The following TRIQK variants were observed in gnomAD, a reference collection of about 807,000 sequenced individuals.
The protein encoded by TRIQK is triple QxxK/R motif containing, also known as triple QxxK/R motif-containing protein.
Under a neutral mutation model 10.8 loss-of-function variants are expected in TRIQK, and 10 were observed. The ratio of observed to expected loss-of-function variants is 0.92; its 90% confidence interval spans 0.57 to 1.57. The LOEUF is 1.57. Among genes scored for constraint, TRIQK ranks in the 40% most tolerant of loss-of-function variants. The pLI is 0.00. For synonymous variants in TRIQK, 33 were observed against 33.7 expected (o/e 0.98, Z 0.07); for missense variants, 107 against 97.7 (o/e 1.09, Z -0.40).
At chr8:92,903,664 C>A (rs906308500) in intron 3 of TRIQK, among the ~76,000 whole-genome samples, 5 of 151,874 alleles carry the variant, frequency 3.3e-5, no homozygotes, top group African/African-American at 4.8e-5. Flanking sequence ...TGAAGAGTAT[C>A]CTGAAATTGC....
intron 3 of TRIQK, 55 bp downstream of exon 3, chr8:92,916,874 A>T (rs951507675): frequency 1.2e-5 from 15 of 1,244,624 alleles, no homozygotes; most frequent in Non-Finnish European, 1.5e-5. Flanking sequence ...TAATATGCAT[A>T]ATTGTGTTTT....
upstream of TRIQK, among the ~76,000 whole-genome samples, chr8:92,968,616 T>C (rs145957804): frequency 2.7e-3 from 405 of 152,328 alleles, 1 homozygote; most frequent in African/African-American, 9.1e-3. Flanking sequence ...AAAGTGTCTG[T>C]TCATATCCTT....
chr8:93,016,181 T>C (rs1332954914), intron 1 of TRIQK, among the ~76,000 whole-genome samples: 1 of 152,218 alleles, frequency 6.6e-6, no homozygotes, highest in East Asian at 1.9e-4. Flanking sequence ...AGTCTGATCA[T>C]AAATAATTTA....
intron 1 of TRIQK, among the ~76,000 whole-genome samples, chr8:93,014,801 T>G (rs368180349): frequency 5.9e-5 from 9 of 152,154 alleles, no homozygotes; most frequent in Admixed American, 5.2e-4. Flanking sequence ...GGTAATTGCA[T>G]TCAGCTTTAT....
chr8:92,988,000 C>CTTTT (rs549776227), intron 1 of TRIQK, among the ~76,000 whole-genome samples: 149 of 57,542 alleles, frequency 2.6e-3, no homozygotes, highest in East Asian at 8.8e-3. Context: ...TTTATACTTT[C>CTTTT]TTTTTTTTTT....
intron 3 of TRIQK, among the ~76,000 whole-genome samples, chr8:92,915,405 T>C (rs189437316): frequency 1.3e-5 from 2 of 152,166 alleles, no homozygotes; most frequent in East Asian, 3.8e-4. Flanking sequence ...ATATTTTAAT[T>C]GGTTTGACTG....
At chr8:92,897,951 T>G (rs543886518) in intron 3 of TRIQK, among the ~76,000 whole-genome samples, 1 of 152,062 alleles carries the variant, frequency 6.6e-6, no homozygotes, top group Admixed American at 6.6e-5. Context: ...CTCACATCTT[T>G]AATGGGCATG....
chr8:92,970,511 G>T (rs1244811119), upstream of TRIQK, among the ~76,000 whole-genome samples: 1 of 152,132 alleles, frequency 6.6e-6, no homozygotes, highest in African/African-American at 2.4e-5. Context: ...GTGTGAAATG[G>T]TATCTCATTA....
intron 2 of TRIQK, among the ~76,000 whole-genome samples, chr8:92,946,858 T>A (rs1010125546): frequency 2.6e-5 from 4 of 152,044 alleles, no homozygotes; most frequent in African/African-American, 9.6e-5. Flanking sequence ...CCTGCTGGGT[T>A]CACGCCATTC....
chr8:92,915,599 C>T (rs886811266), intron 3 of TRIQK, among the ~76,000 whole-genome samples: 11 of 151,600 alleles, frequency 7.3e-5, no homozygotes, highest in Admixed American at 5.9e-4. Flanking sequence ...TCACGCCATT[C>T]TCCTGGCTCA....
intron 3 of TRIQK, among the ~76,000 whole-genome samples, chr8:92,896,986 T>A (rs979924415): frequency 1.1e-4 from 16 of 151,874 alleles, no homozygotes; most frequent in African/African-American, 3.9e-4. Context: ...CTGGCTAATT[T>A]TTGTATTTTT....
intron 2 of TRIQK, among the ~76,000 whole-genome samples, chr8:92,924,089 A>C (rs933584272): frequency 6.6e-5 from 10 of 152,032 alleles, no homozygotes; most frequent in African/African-American, 2.2e-4. Context: ...TTACTAAGAA[A>C]ACTCTTCGCT....
At chr8:92,996,831 G>A (rs563300886) in intron 1 of TRIQK, among the ~76,000 whole-genome samples, 21 of 151,800 alleles carry the variant, frequency 1.4e-4, no homozygotes, top group African/African-American at 4.6e-4. Flanking sequence ...TAAGACTATC[G>A]CAGATATTGA....
At chr8:92,988,155 C>T (rs537406439) in intron 1 of TRIQK, among the ~76,000 whole-genome samples, 1 of 151,510 alleles carries the variant, frequency 6.6e-6, no homozygotes, top group Non-Finnish European at 1.5e-5. Flanking sequence ...GGACTACAGG[C>T]GCCCACCACC....
At position 92,989,184 on chromosome 8, in the gene TRIQK, C is replaced by T. The variant is rs138548131; in HGVS notation, c.-181+28425G>A. 3.5e-3 allele frequency among the ~76,000 whole-genome samples: 530 copies of T among 152,060 alleles called. 4 individuals are homozygous for T. The highest frequency in any genetic ancestry group is 0.012 in the African/African-American group (506 of 41,458). ...GTCAACTTAGAACCACAGCTCATTC[C>T]CAAAATCAAAGTAAATTTTAGGTGT... is the stretch of plus-strand genomic sequence containing the variant. On this transcript the variant is annotated intron_variant, in intron 1 of 4. Transcript: ENST00000520686.
intron 3 of TRIQK, 66 bp downstream of exon 3, chr8:92,916,862 CT>C: frequency 1.7e-6 from 2 of 1,152,070 alleles, no homozygotes; most frequent in Non-Finnish European, 2.3e-6. Flanking sequence ...AATTTATTTT[CT>C]TAATATGCAT....
intron 2 of TRIQK, among the ~76,000 whole-genome samples, chr8:92,952,410 A>T (rs190076401): frequency 6.6e-6 from 1 of 150,596 alleles, no homozygotes; most frequent in Admixed American, 6.6e-5. Context: ...ACCAGAAAAC[A>T]AAGATAAAAC....
At chr8:93,006,576 C>T (rs1456298990) in intron 1 of TRIQK, among the ~76,000 whole-genome samples, 1 of 152,118 alleles carries the variant, frequency 6.6e-6, no homozygotes, top group Admixed American at 6.5e-5. Context: ...GCCATCATCA[C>T]TGAGGCTACC....
intron 3 of TRIQK, among the ~76,000 whole-genome samples, chr8:92,907,808 T>TA (rs1344977213): frequency 1.6e-4 from 25 of 151,664 alleles, no homozygotes; most frequent in East Asian, 1.5e-3. Context: ...GCTGTCCCTA[T>TA]AAAAAAAACA....
Sources: allele counts gnomAD v4.1 joint callset (sites outside exome capture counted in the v4.1 genomes callset), GRCh38; gene constraint gnomAD v4.1.1; transcripts MANE v1.5; gene names NCBI Gene and HGNC (gene_info 2026-07-23, HGNC 2026-07-21).